The following CDK19 variants were observed in gnomAD, a reference collection of about 807,000 sequenced individuals.
CDK19 encodes cyclin-dependent kinase 19.
In CDK19, 20 loss-of-function variants were observed where a neutral mutation model predicts 68.3. That is an observed-to-expected ratio of 0.29 (90% CI 0.21 to 0.43). CDK19 has a LOEUF of 0.43. Ranked by LOEUF, CDK19 falls within the 20% of genes least tolerant of loss-of-function variation. CDK19 has a pLI of 1.00. For missense variants in CDK19, 339 were observed against 623.5 expected (o/e 0.54, Z 4.86); for synonymous variants, 221 against 222.8 (o/e 0.99, Z 0.07).
chr6:110,760,982 C>T (rs1038809064), intron 1 of CDK19, among the ~76,000 whole-genome samples: 5 of 152,044 alleles, frequency 3.3e-5, no homozygotes, highest in African/African-American at 1.2e-4. Context: ...CAAGACAGCA[C>T]GATACATCTG....
At chr6:110,687,992 C>A (rs937881542) in intron 2 of CDK19, among the ~76,000 whole-genome samples, 2 of 152,168 alleles carry the variant, frequency 1.3e-5, no homozygotes, top group Non-Finnish European at 2.9e-5. Context: ...ATCTCACATA[C>A]ACTCTCCTCT....
chr6:110,699,383 C>T (rs1032796389), intron 2 of CDK19, among the ~76,000 whole-genome samples: 9 of 150,916 alleles, frequency 6.0e-5, no homozygotes, highest in African/African-American at 2.2e-4. Flanking sequence ...CAAGATCATG[C>T]CACTTCATTC....
chr6:110,614,824 T>C (rs1246533369), intron 12 of CDK19, among the ~76,000 whole-genome samples, 158 bp from the exon 13 acceptor site: 1 of 152,202 alleles, frequency 6.6e-6, no homozygotes, highest in Non-Finnish European at 1.5e-5. Flanking sequence ...ACATTTTGCT[T>C]ATTTGAAATC....
intron 12 of CDK19, among the ~76,000 whole-genome samples, chr6:110,616,328 T>C (rs1172036109): frequency 1.3e-5 from 2 of 152,280 alleles, no homozygotes; most frequent in East Asian, 3.9e-4. Flanking sequence ...CGACTTGGAA[T>C]ATCTGGTCCA....
At chr6:110,785,973 T>G (rs901281756) in intron 1 of CDK19, among the ~76,000 whole-genome samples, 2 of 147,164 alleles carry the variant, frequency 1.4e-5, no homozygotes, top group Non-Finnish European at 1.5e-5. Context: ...AGAGCGAAAC[T>G]CCATCTCAAA....
intron 1 of CDK19, among the ~76,000 whole-genome samples, chr6:110,781,140 G>T (rs1008494341): frequency 6.6e-6 from 1 of 152,090 alleles, no homozygotes; most frequent in Non-Finnish European, 1.5e-5. Flanking sequence ...ATAAAGAAAA[G>T]AATTTTATTT....
chr6:110,621,182 C>G lies in CDK19; in HGVS notation c.1299G>C (p.Gln433His). ...LQHSQDSSLN[Q>H]VPPNKKPRLG... ...GCCGTGGCTTCTTGTTTGGAGGCAC[C>G]TGGTTCAGGCTGGAGTCCTGGCTGT... Residue 433 changes from glutamine (Q) to histidine (H), a missense_variant, in exon 12 of 13, where the codon CAG becomes CAC. Coordinates refer to ENST00000368911, the MANE Select transcript of CDK19 (RefSeq NM_015076.5). The surrounding 1 kb of genome is among the most constrained non-coding windows in gnomAD (Gnocchi z 5.4). 1 of 1,614,108 alleles carries G rather than the reference C, an allele frequency of 6.2e-7. No homozygotes were observed. The highest frequency in any genetic ancestry group is 8.5e-7 in the Non-Finnish European group (1 of 1,180,030).
chr6:110,716,452 T>G (rs1775404948), intron 2 of CDK19, among the ~76,000 whole-genome samples: 1 of 152,060 alleles, frequency 6.6e-6, no homozygotes, highest in Non-Finnish European at 1.5e-5. Context: ...ACAAATGACT[T>G]AGGAACAGTA....
chr6:110,652,924 C>A (rs771089747), intron 4 of CDK19, among the ~76,000 whole-genome samples: 6 of 152,140 alleles, frequency 3.9e-5, no homozygotes, highest in Non-Finnish European at 7.4e-5. Flanking sequence ...AGCTTATGAG[C>A]TCTTTTGCAC....
chr6:110,676,494 A>G (rs911993615), intron 2 of CDK19, among the ~76,000 whole-genome samples: 1 of 152,232 alleles, frequency 6.6e-6, no homozygotes, highest in African/African-American at 2.4e-5. Flanking sequence ...TGCATGTTAC[A>G]GAGAAATCTT....
At chr6:110,671,457 G>C (rs1490879045) in intron 2 of CDK19, among the ~76,000 whole-genome samples, 1 of 152,136 alleles carries the variant, frequency 6.6e-6, no homozygotes, top group African/African-American at 2.4e-5. Context: ...TGCAAAAAGG[G>C]AAAGACAAAA....
At chr6:110,798,059 T>C (rs1782074012) in intron 1 of CDK19, among the ~76,000 whole-genome samples, 1 of 149,644 alleles carries the variant, frequency 6.7e-6, no homozygotes, top group Non-Finnish European at 1.5e-5. Context: ...AATTCAGTTA[T>C]AGAAATTAAT....
In CDK19 at chr6:110,621,456, G is replaced by A; in HGVS notation, c.1111-86C>T. The A allele has an allele frequency of 2.9e-6, 4 of 1,361,874 alleles. No homozygotes were observed. The highest frequency in any genetic ancestry group is 4.0e-6 in the Non-Finnish European group (4 of 998,856). The allele number at this position is 1,361,874 out of a possible 1,614,324, so 84.4% of individuals were successfully genotyped here. A position where few individuals can be genotyped will look rare whatever the true frequency, so the allele number is the denominator to read the frequency against. On this transcript the variant is annotated intron_variant, in intron 11 of 12. Coordinates refer to ENST00000368911, the MANE Select transcript of CDK19 (RefSeq NM_015076.5). The surrounding 1 kb of genome is among the most constrained non-coding windows in gnomAD (Gnocchi z 5.4). ...TATTTGATATGCACATGTGGCTGCTGACCAACCTGGGGGAGCAATCTATGT... is the reference window on the plus strand; with the variant it reads ...TATTTGATATGCACATGTGGCTGCTAACCAACCTGGGGGAGCAATCTATGT...
intron 2 of CDK19, among the ~76,000 whole-genome samples, chr6:110,719,006 G>C (rs555157727): frequency 6.6e-6 from 1 of 152,092 alleles, no homozygotes; most frequent in African/African-American, 2.4e-5. Context: ...GGGAGGACTC[G>C]AATATTTAAG....
chr6:110,778,406 CAAAG>C (rs1258317442), intron 1 of CDK19, among the ~76,000 whole-genome samples: 1 of 152,020 alleles, frequency 6.6e-6, no homozygotes, highest in Non-Finnish European at 1.5e-5. Flanking sequence ...TCTTTTAATT[CAAAG>C]GTTAAAATAA....
chr6:110,788,959 T>G (rs1034168145), intron 1 of CDK19, among the ~76,000 whole-genome samples: 1 of 152,174 alleles, frequency 6.6e-6, no homozygotes, highest in African/African-American at 2.4e-5. Context: ...GTATTCCACT[T>G]AACATGATGA....
chr6:110,623,565 T>TA (rs1778847383), intron 8 of CDK19: 1 of 276,748 alleles, frequency 3.6e-6, no homozygotes, highest in South Asian at 1.4e-4. Flanking sequence ...TTTATACTGT[T>TA]ACAATCCCTT....
At chr6:110,726,236 G>A (rs563668015) in intron 2 of CDK19, among the ~76,000 whole-genome samples, 2 of 152,270 alleles carry the variant, frequency 1.3e-5, no homozygotes, top group African/African-American at 4.8e-5. Context: ...AGATGGGAAG[G>A]AAAGTATTAG....
intron 4 of CDK19, 49 bp downstream of exon 4, chr6:110,667,385 A>G (rs1477536422): frequency 2.4e-6 from 3 of 1,256,530 alleles, no homozygotes; most frequent in Non-Finnish European, 3.3e-6. Context: ...TATATTTTTT[A>G]AAAGAGTAGG....
Sources: allele counts gnomAD v4.1 joint callset (sites outside exome capture counted in the v4.1 genomes callset), GRCh38; gene constraint gnomAD v4.1.1; non-coding constraint Gnocchi (gnomAD v3.1); transcripts MANE v1.5; gene names NCBI Gene and HGNC (gene_info 2026-07-23, HGNC 2026-07-21).